The following TYW3 variants were observed in gnomAD, a reference collection of about 807,000 sequenced individuals.
TYW3 encodes tRNA wybutosine-synthesizing protein 3 homolog.
Under a neutral mutation model 23.1 loss-of-function variants are expected in TYW3, and 26 were observed. That is an observed-to-expected ratio of 1.13 (90% CI 0.83 to 1.56). The LOEUF (loss-of-function observed/expected upper bound fraction) is 1.56. Among genes scored for constraint, TYW3 ranks in the 40% most tolerant of loss-of-function variants. The probability of loss-of-function intolerance (pLI) is 0.00; values close to 1 mark genes in which losing one functional copy is unlikely to be tolerated. For missense variants in TYW3, 316 were observed against 311.9 expected (o/e 1.01, Z -0.10); for synonymous variants, 102 against 105.7 (o/e 0.97, Z 0.21).
rs754552314 is a variant in TYW3 at position 74,748,766 on chromosome 1, G to T, written c.370G>T (p.Asp124Tyr). 3.1e-6 allele frequency: 5 copies of T among 1,613,984 alleles called. No homozygotes were observed. In the South Asian group the frequency reaches 4.4e-5, roughly 14 times the overall value. ...DAQILHSMAIDSGFRNSGITV... is the reference protein window; with the variant it reads ...DAQILHSMAIYSGFRNSGITV... Reference sequence around the variant, plus strand: ...TTTCTTACAGCATTCCATGGCAATAGATTCTGGTTTCAGGAACTCTGGCAT... The same window carrying T: ...TTTCTTACAGCATTCCATGGCAATATATTCTGGTTTCAGGAACTCTGGCAT... The change falls in exon 4 of 6, where the codon GAT (aspartate) becomes TAT (tyrosine). Residue 124 changes from aspartate (D) to tyrosine (Y), a missense_variant. Transcript: ENST00000370867.
intron 3 of TYW3, among the ~76,000 whole-genome samples, chr1:74,745,345 A>T (rs1471886261): frequency 6.6e-6 from 1 of 152,176 alleles, no homozygotes; most frequent in African/African-American, 2.4e-5. Flanking sequence ...CCCCACCCAC[A>T]TCCTGCTGAT....
intron 4 of TYW3, among the ~76,000 whole-genome samples, chr1:74,750,795 C>G (rs146478549): frequency 3.6e-5 from 5 of 140,640 alleles, no homozygotes; most frequent in East Asian, 4.3e-4. Flanking sequence ...TTCTCTCCCC[C>G]GCTCCTTTTT....
intron 5 of TYW3, among the ~76,000 whole-genome samples, chr1:74,752,973 C>G (rs1648839710): frequency 6.6e-6 from 1 of 152,184 alleles, no homozygotes; most frequent in South Asian, 2.1e-4. Context: ...TTTCACATCT[C>G]CATACTTCTT....
chr1:74,738,498 A>G (rs1648230643), intron 2 of TYW3, among the ~76,000 whole-genome samples, 192 bp from the exon 3 acceptor site: 1 of 152,242 alleles, frequency 6.6e-6, no homozygotes, highest in Non-Finnish European at 1.5e-5. Flanking sequence ...GGAGAACTAG[A>G]AATTTTAAGA....
At chr1:74,748,633 A>AG (rs2100766451) in intron 3 of TYW3, 118 bp from the exon 4 acceptor site, 1 of 1,017,536 alleles carries the variant, frequency 9.8e-7, no homozygotes, top group Middle Eastern at 2.1e-4. Context: ...TAGACGAAAA[A>AG]TTTTTTTAAA....
At chr1:74,737,739 C>G (rs946314668) in intron 2 of TYW3, among the ~76,000 whole-genome samples, 3 of 152,198 alleles carry the variant, frequency 2.0e-5, no homozygotes, top group African/African-American at 7.2e-5. Flanking sequence ...GGTTAAAAGG[C>G]AGGCAAGTGC....
chr1:74,742,331 A>G (rs1453950421), intron 3 of TYW3, among the ~76,000 whole-genome samples: 1 of 152,182 alleles, frequency 6.6e-6, no homozygotes. Flanking sequence ...CGTGTTTTCA[A>G]TACCCATGTG....
At chr1:74,757,715 GT>G (rs1648999515) in intron 5 of TYW3, among the ~76,000 whole-genome samples, 1 of 152,186 alleles carries the variant, frequency 6.6e-6, no homozygotes, top group African/African-American at 2.4e-5. Flanking sequence ...GGGATGATTG[GT>G]TTTGAAATGT....
chr1:74,752,315 A>C lies in TYW3; in HGVS notation c.450A>C (p.Leu150Phe). ...AGGCTGTCCGGAGTACACATGGCTTAGAAGTTCCATTAAGCCATAAGGGAA... is the reference window on the plus strand; with the variant it reads ...AGGCTGTCCGGAGTACACATGGCTTCGAAGTTCCATTAAGCCATAAGGGAA... ...TMLAVRSTHG[L>F]EVPLSHKGKL... The change falls in exon 5 of 6, where the codon TTA (leucine) becomes TTC (phenylalanine). Residue 150 changes from leucine (L) to phenylalanine (F), a missense_variant. Coordinates refer to ENST00000370867, the MANE Select transcript of TYW3 (RefSeq NM_138467.3). 6.2e-7 allele frequency: 1 copy of C among 1,612,350 alleles called. No homozygotes were observed. Among genetic ancestry groups the C allele is most frequent in the Non-Finnish European group, 8.5e-7 (1 of 1,179,126 alleles).
Position 74,764,194 on chromosome 1 carries a change from T to C in TYW3, c.*81T>C, listed in dbSNP as rs1316598177. 7.0e-6 allele frequency: 9 copies of C among 1,282,162 alleles called. No homozygotes were observed. In the East Asian group the frequency reaches 1.9e-4, roughly 27 times the overall value. The allele number at this position is 1,282,162 out of a possible 1,614,324, so 79.4% of individuals were successfully genotyped here. A position where few individuals can be genotyped will look rare whatever the true frequency, so the allele number is the denominator to read the frequency against. ...CTCTTCATAAGAGTATTTTAGTTTG[T>C]TGAGTGTATCAGCCATTCATAAGCC... On this transcript the variant is annotated 3_prime_UTR_variant, in exon 6 of 6. Coordinates refer to ENST00000370867, the MANE Select transcript of TYW3 (RefSeq NM_138467.3).
chr1:74,760,490 A>T (rs1428413442), intron 5 of TYW3, among the ~76,000 whole-genome samples: 1 of 152,094 alleles, frequency 6.6e-6, no homozygotes, highest in South Asian at 2.1e-4. Context: ...CTCTTAGCAC[A>T]TTGTCAGCTT....
chr1:74,735,844 T>G (rs555740659), intron 1 of TYW3, among the ~76,000 whole-genome samples: 1 of 152,392 alleles, frequency 6.6e-6, no homozygotes, highest in African/African-American at 2.4e-5. Context: ...AAATTATAGT[T>G]ACTTTGAGTA....
At position 74,751,618 on chromosome 1, in the gene TYW3, C is replaced by T. The variant is rs546304959; in HGVS notation, c.427-674C>T. 2.9e-3 allele frequency among the ~76,000 whole-genome samples: 434 copies of T among 151,326 alleles called. 2 individuals carry two copies. Among genetic ancestry groups the T allele is most frequent in the African/African-American group, 0.01 (417 of 41,154 alleles). ...CTGGGAGGCGGAGGTTGCTGTGAGC[C>T]GAGATTGCACCATTGCACTCCAGCC... On this transcript the variant is annotated intron_variant, in intron 4 of 5. Transcript: ENST00000370867.
chr1:74,746,129 G>A (rs1648561681), intron 3 of TYW3, among the ~76,000 whole-genome samples: 1 of 152,198 alleles, frequency 6.6e-6, no homozygotes, highest in African/African-American at 2.4e-5. Flanking sequence ...TAGACATTTG[G>A]GTAGAAGTCT....
chr1:74,756,269 G>A (rs1235125217), intron 5 of TYW3, among the ~76,000 whole-genome samples: 1 of 152,216 alleles, frequency 6.6e-6, no homozygotes, highest in Non-Finnish European at 1.5e-5. Context: ...AACAGGTAGA[G>A]GTTGGAACAG....
Position 74,752,375 on chromosome 1 carries a change from G to A in TYW3, c.510G>A (p.Leu170=), listed in dbSNP as rs1192173325. ...LMVTEEYIDF[L]LNVANQKMEE... ...TGACAGAGGAATATATTGACTTCCT[G>A]TTAAATGTGGCAAATCAAAAAATGG... is the stretch of plus-strand genomic sequence containing the variant. Residue 170 remains leucine, a synonymous_variant, in exon 5 of 6, where the codon CTG becomes CTA. Transcript: ENST00000370867. 23 of 1,613,478 alleles carry A rather than the reference G, an allele frequency of 1.4e-5. No homozygotes were observed. The highest frequency in any genetic ancestry group is 1.9e-5 in the Non-Finnish European group (23 of 1,179,734).
chr1:74,737,304 T>G (rs1648186180), intron 2 of TYW3, among the ~76,000 whole-genome samples: 1 of 152,234 alleles, frequency 6.6e-6, no homozygotes, highest in East Asian at 1.9e-4. Context: ...TATTCTCTTC[T>G]GCTGCAGATA....
intron 4 of TYW3, among the ~76,000 whole-genome samples, chr1:74,749,085 G>A (rs1648688697): frequency 6.6e-6 from 1 of 152,096 alleles, no homozygotes; most frequent in South Asian, 2.1e-4. Context: ...AGTAGGCAAG[G>A]CCCCAAAGCA....
intron 1 of TYW3, chr1:74,734,147 A>G (rs1327218834): frequency 6.6e-6 from 1 of 152,210 alleles, no homozygotes; most frequent in Non-Finnish European, 1.5e-5. Flanking sequence ...CAGCAGTCTG[A>G]AAATATTAAA....
Sources: allele counts gnomAD v4.1 joint callset (sites outside exome capture counted in the v4.1 genomes callset), GRCh38; gene constraint gnomAD v4.1.1; transcripts MANE v1.5; gene names NCBI Gene and HGNC (gene_info 2026-07-23, HGNC 2026-07-21).